Variants in PRIM2 observed in about 807,000 individuals in gnomAD.
The protein encoded by PRIM2 is DNA primase large subunit.
PRIM2 carries 39 observed loss-of-function variants against 67.3 expected under a neutral mutation model. The ratio of observed to expected loss-of-function variants is 0.58; its 90% CI spans 0.45 to 0.76. PRIM2 has a LOEUF of 0.76. Ranked by LOEUF, PRIM2 falls within the 30% of genes least tolerant of loss-of-function variation. PRIM2 has a pLI of 0.00. For missense variants in PRIM2, 398 were observed against 598.7 expected (o/e 0.66, Z 3.50); for synonymous variants, 143 against 198.7 (o/e 0.72, Z 2.36).
chr6:57,492,441 G>T (rs1773916817), intron 7 of PRIM2, among the ~76,000 whole-genome samples: 1 of 151,918 alleles, frequency 6.6e-6, no homozygotes, highest in Admixed American at 6.6e-5. Context: ...TACTCAGGAG[G>T]CTGAGGCAGG....
chr6:57,626,059 A>G (rs1283831905), intron 12 of PRIM2, among the ~76,000 whole-genome samples: 1 of 152,244 alleles, frequency 6.6e-6, no homozygotes, highest in African/African-American at 2.4e-5. Context: ...GCTTGTTATC[A>G]CTTTTAAATA....
At chr6:57,375,515 G>A (rs1389507135) in intron 5 of PRIM2, among the ~76,000 whole-genome samples, 1 of 152,022 alleles carries the variant, frequency 6.6e-6, no homozygotes, top group Non-Finnish European at 1.5e-5. Context: ...CAAGGATATT[G>A]GCCTGATGTT....
the PRIM2 span, among the ~76,000 whole-genome samples, chr6:57,270,000 T>TGGTACC: frequency 2.6e-5 from 4 of 152,230 alleles, no homozygotes; most frequent in Non-Finnish European, 5.9e-5. Flanking sequence ...ATATCTGTTT[T>TGGTACC]GGTACCAGTA....
chr6:57,430,490 G>GTTGCCC (rs1370830756), intron 7 of PRIM2, among the ~76,000 whole-genome samples: 3 of 105,700 alleles, frequency 2.8e-5, no homozygotes, highest in African/African-American at 7.0e-5. Context: ...GTCTCACTCT[G>GTTGCCC]TTGCCCAGGC....
intron 5 of PRIM2, among the ~76,000 whole-genome samples, chr6:57,336,083 G>T (rs560324603): frequency 3.9e-5 from 6 of 152,190 alleles, no homozygotes; most frequent in Admixed American, 6.6e-5. Context: ...AGGAGCCGAT[G>T]CGATCAACTG....
chr6:57,313,948 A>G (rs1297955138), upstream of PRIM2, among the ~76,000 whole-genome samples: 2 of 152,178 alleles, frequency 1.3e-5, no homozygotes, highest in African/African-American at 4.8e-5. Flanking sequence ...CTCAGGGTGA[A>G]TGCCACGTGG....
intron 7 of PRIM2, among the ~76,000 whole-genome samples, chr6:57,494,999 T>G (rs1773973853): frequency 6.6e-6 from 1 of 150,746 alleles, no homozygotes; most frequent in African/African-American, 2.4e-5. Flanking sequence ...TTATTTACTT[T>G]TCTTGTTCTG....
chr6:57,478,401 C>T (rs2127404705), intron 7 of PRIM2, among the ~76,000 whole-genome samples: 2 of 148,958 alleles, frequency 1.3e-5, no homozygotes, highest in African/African-American at 2.5e-5. Context: ...GGCATGGTGG[C>T]ATGATCATAG....
intron 5 of PRIM2, among the ~76,000 whole-genome samples, chr6:57,340,372 C>A (rs1006962982): frequency 6.6e-6 from 1 of 152,034 alleles, no homozygotes; most frequent in African/African-American, 2.4e-5. Flanking sequence ...ACCCAAAGGA[C>A]TATAAATCAT....
In PRIM2 at chr6:57,385,540, T is replaced by G. The variant is rs7753846; in HGVS notation, c.693+3372T>G. Among the ~76,000 whole-genome samples the G allele has an allele frequency of 3.2e-3, 490 of 152,310 alleles. 4 individuals are homozygous for G. The highest frequency in any genetic ancestry group is 0.012 in the African/African-American group (481 of 41,560). ...ACATCCAAATAAGAAAATTAATGTT[T>G]ATAAGTTACTACCATCTAACCTCCA... On this transcript the variant is annotated intron_variant, in intron 7 of 13. Transcript: ENST00000615550.
chr6:57,334,418 C>T (rs1433269609), intron 5 of PRIM2, among the ~76,000 whole-genome samples: 1 of 152,170 alleles, frequency 6.6e-6, no homozygotes, highest in East Asian at 1.9e-4. Flanking sequence ...CCTTCAGATA[C>T]ATACCCAGTA....
chr6:57,327,852 T>A (rs568011494), intron 5 of PRIM2, among the ~76,000 whole-genome samples: 14 of 152,212 alleles, frequency 9.2e-5, no homozygotes, highest in African/African-American at 2.6e-4. Flanking sequence ...TGGAAGACAA[T>A]TTTTCCACGG....
At chr6:57,389,768 CTT>C (rs1770269174) in intron 7 of PRIM2, among the ~76,000 whole-genome samples, 1 of 152,066 alleles carries the variant, frequency 6.6e-6, no homozygotes, top group Non-Finnish European at 1.5e-5. Context: ...CTTGTATCCT[CTT>C]TTTAAAAGTA....
intron 8 of PRIM2, among the ~76,000 whole-genome samples, chr6:57,530,411 A>T (rs1774862297): frequency 6.6e-6 from 1 of 152,250 alleles, no homozygotes. Context: ...ATCTCCACAT[A>T]ATAAGAATCT....
intron 13 of PRIM2, among the ~76,000 whole-genome samples, chr6:57,644,559 C>A (rs1777300108): frequency 6.6e-6 from 1 of 152,154 alleles, no homozygotes; most frequent in South Asian, 2.1e-4. Context: ...ATAACACAGT[C>A]TTTTATATAG....
At chr6:57,288,598 G>A in the PRIM2 span, among the ~76,000 whole-genome samples, 33 of 152,262 alleles carry the variant, frequency 2.2e-4, no homozygotes, top group East Asian at 6.4e-3. Context: ...AGCTTCCAGA[G>A]GAAGGATCAG....
At chr6:57,397,967 C>CTT (rs369522862) in intron 7 of PRIM2, among the ~76,000 whole-genome samples, 8 of 102,288 alleles carry the variant, frequency 7.8e-5, no homozygotes, top group African/African-American at 2.9e-4. Context: ...TTCTTTCTTT[C>CTT]TTTTTTTTTT....
At chr6:57,231,809 T>C in the PRIM2 span, among the ~76,000 whole-genome samples, 1 of 151,694 alleles carries the variant, frequency 6.6e-6, no homozygotes, top group Admixed American at 6.6e-5. Context: ...CCATTTTCTA[T>C]GAGTGCTTGA....
At chr6:57,234,195 T>A in the PRIM2 span, among the ~76,000 whole-genome samples, 1 of 152,154 alleles carries the variant, frequency 6.6e-6, no homozygotes, top group African/African-American at 2.4e-5. Context: ...ATTCACTGAA[T>A]TTCAATGATG....
Sources: gnomAD v4.1 joint callset for allele counts (sites outside exome capture counted in the v4.1 genomes callset) on GRCh38, gnomAD v4.1.1 for gene constraint, MANE v1.5 for transcripts, NCBI Gene and HGNC (gene_info 2026-07-23, HGNC 2026-07-21) for gene names.